Variants in NAALADL2 observed in about 807,000 individuals in gnomAD.
The protein encoded by NAALADL2 is inactive N-acetylated-alpha-linked acidic dipeptidase-like protein 2.
Under a neutral mutation model 87.2 loss-of-function variants are expected in NAALADL2, and 76 were observed. That is an observed-to-expected ratio of 0.87 (90% CI 0.72 to 1.05). The LOEUF is 1.05. Ranked by LOEUF, NAALADL2 falls within the 50% of genes least tolerant of loss-of-function variation. NAALADL2 has a pLI of 0.00. For missense variants in NAALADL2, 1,089 were observed against 945.8 expected (o/e 1.15, Z -1.99); for synonymous variants, 354 against 331.0 (o/e 1.07, Z -0.75).
At chr3:174,795,617 G>C (rs1717992168) in intron 3 of NAALADL2, among the ~76,000 whole-genome samples, 1 of 152,168 alleles carries the variant, frequency 6.6e-6, no homozygotes, top group Non-Finnish European at 1.5e-5. Flanking sequence ...CTGCCAAACA[G>C]TTGTCAAAAG....
At chr3:175,739,227 A>ATT (rs200742582) in intron 12 of NAALADL2, among the ~76,000 whole-genome samples, 9 of 151,852 alleles carry the variant, frequency 5.9e-5, no homozygotes, top group African/African-American at 1.9e-4. Context: ...GCTAAAATCA[A>ATT]TTTTTTAAAC....
chr3:174,621,020 G>A (rs1421363371), intron 2 of NAALADL2, among the ~76,000 whole-genome samples: 3 of 151,982 alleles, frequency 2.0e-5, no homozygotes, highest in Non-Finnish European at 4.4e-5. Flanking sequence ...TAGGAAGAGC[G>A]TATTATGCTG....
At chr3:175,164,982 A>G (rs1321351343) in intron 2 of NAALADL2, among the ~76,000 whole-genome samples, 1 of 152,162 alleles carries the variant, frequency 6.6e-6, no homozygotes, top group Non-Finnish European at 1.5e-5. Flanking sequence ...ACCCCTTGCC[A>G]TGTATGCCTT....
At chr3:175,282,921 T>C (rs554524237) in intron 4 of NAALADL2, among the ~76,000 whole-genome samples, 1 of 151,960 alleles carries the variant, frequency 6.6e-6, no homozygotes, top group East Asian at 1.9e-4. Flanking sequence ...CTTTTTTTTT[T>C]TTTTTAAATC....
rs188307392 is a variant in NAALADL2 at position 175,250,457 on chromosome 3, T to A, written c.820-5954T>A. Reference sequence around the variant, plus strand: ...AGCCATCCAGCCTATGGTATTTTGTTATGACAGCCAATTCTCAGAGATTCT... The same window carrying A: ...AGCCATCCAGCCTATGGTATTTTGTAATGACAGCCAATTCTCAGAGATTCT... On this transcript the variant is annotated intron_variant, in intron 3 of 13. Transcript: ENST00000454872. 1.1e-4 allele frequency among the ~76,000 whole-genome samples: 16 copies of A among 152,290 alleles called. No individual in the cohort carries two copies. In the East Asian group the frequency reaches 2.9e-3, roughly 28 times the overall value.
intron 10 of NAALADL2, among the ~76,000 whole-genome samples, chr3:175,579,355 C>CA (rs1038352760): frequency 1.3e-4 from 19 of 151,884 alleles, no homozygotes; most frequent in East Asian, 1.9e-4. Flanking sequence ...ATGGACATGT[C>CA]AAAAAAACAT....
intron 1 of NAALADL2, among the ~76,000 whole-genome samples, chr3:175,014,656 A>G (rs1750586695): frequency 6.6e-6 from 1 of 152,172 alleles, no homozygotes; most frequent in Admixed American, 6.6e-5. Flanking sequence ...TATAATATTC[A>G]CCTGAAACTC....
At chr3:174,760,912 A>G (rs1355538196) in intron 3 of NAALADL2, among the ~76,000 whole-genome samples, 1 of 152,172 alleles carries the variant, frequency 6.6e-6, no homozygotes, top group East Asian at 1.9e-4. Flanking sequence ...CAAATGGGGG[A>G]CAAAGAGAAA....
Position 175,070,469 on chromosome 3 carries a change from G to C in NAALADL2, c.44-26321G>C, listed in dbSNP as rs376346177. Among the ~76,000 whole-genome samples, 21 of 152,122 alleles carry C rather than the reference G, an allele frequency of 1.4e-4. No individual in the cohort carries two copies. The East Asian group carries it at 2.1e-3, about 15-fold the overall frequency. On this transcript the variant is annotated intron_variant, in intron 1 of 13. Coordinates refer to ENST00000454872, the MANE Select transcript of NAALADL2 (RefSeq NM_207015.3). ...GTCTCAAAGTGTCTTGAACTGATAA[G>C]CCTTCCTAATCTTCTAGTGTTGCTT...
chr3:175,349,512 C>G (rs529793357), intron 5 of NAALADL2, among the ~76,000 whole-genome samples: 1 of 152,154 alleles, frequency 6.6e-6, no homozygotes, highest in African/African-American at 2.4e-5. Context: ...CTGTCTTCAT[C>G]CCAAAAGCTT....
chr3:174,810,913 G>C (rs1720109326), intron 3 of NAALADL2, among the ~76,000 whole-genome samples: 1 of 152,206 alleles, frequency 6.6e-6, no homozygotes, highest in South Asian at 2.1e-4. Context: ...CTGCCACCCT[G>C]TGCAGCCTTA....
chr3:175,202,669 T>TC (rs1740219310), intron 2 of NAALADL2, among the ~76,000 whole-genome samples: 1 of 151,996 alleles, frequency 6.6e-6, no homozygotes, highest in South Asian at 2.1e-4. Flanking sequence ...AGTAGGCAGG[T>TC]CCCTAGAACT....
intron 13 of NAALADL2, among the ~76,000 whole-genome samples, chr3:175,786,696 A>G (rs1752015496): frequency 6.6e-6 from 1 of 152,048 alleles, no homozygotes; most frequent in Non-Finnish European, 1.5e-5. Flanking sequence ...TTCTTCTCTC[A>G]TCTCGTCAAA....
chr3:175,766,858 A>G (rs1001885546), intron 13 of NAALADL2, among the ~76,000 whole-genome samples: 1 of 152,206 alleles, frequency 6.6e-6, no homozygotes, highest in African/African-American at 2.4e-5. Context: ...GACATTTTCT[A>G]GATTTTGAGT....
At chr3:175,037,925 A>G (rs372016796) in intron 1 of NAALADL2, among the ~76,000 whole-genome samples, 3 of 152,234 alleles carry the variant, frequency 2.0e-5, no homozygotes, top group African/African-American at 4.8e-5. Flanking sequence ...TGCTGCCTGG[A>G]AGGGAAAACC....
At chr3:175,701,555 G>A (rs992416757) in intron 11 of NAALADL2, among the ~76,000 whole-genome samples, 1 of 152,040 alleles carries the variant, frequency 6.6e-6, no homozygotes, top group African/African-American at 2.4e-5. Flanking sequence ...TATCGCACTT[G>A]TGGGCACAGG....
At chr3:175,284,465 CT>C (rs1754735720) in intron 4 of NAALADL2, among the ~76,000 whole-genome samples, 1 of 151,666 alleles carries the variant, frequency 6.6e-6, no homozygotes, top group African/African-American at 2.4e-5. Flanking sequence ...AAATGCAAGA[CT>C]TAATGTATGG....
chr3:174,468,094 T>A (rs1577972238), intron 1 of NAALADL2, among the ~76,000 whole-genome samples: 1 of 152,326 alleles, frequency 6.6e-6, no homozygotes, highest in Non-Finnish European at 1.5e-5. Flanking sequence ...TTCTCATGTC[T>A]GAACACTGCT....
intron 5 of NAALADL2, among the ~76,000 whole-genome samples, chr3:175,399,575 A>G (rs1047949037): frequency 2.0e-5 from 3 of 152,012 alleles, no homozygotes; most frequent in South Asian, 2.1e-4. Flanking sequence ...GCATTTGTAA[A>G]CTGTCATGGT....
Sources: allele counts gnomAD v4.1 joint callset (sites outside exome capture counted in the v4.1 genomes callset), GRCh38; gene constraint gnomAD v4.1.1; transcripts MANE v1.5; gene names NCBI Gene and HGNC (gene_info 2026-07-23, HGNC 2026-07-21).